CACNA1D: variants seen among roughly 807,000 people sequenced by gnomAD.
The protein encoded by CACNA1D is calcium voltage-gated channel subunit alpha1 D.
A neutral mutation model predicts 257.1 loss-of-function variants in CACNA1D; 55 were observed. The observed-to-expected ratio is 0.21, with a 90% CI of 0.17 to 0.27. CACNA1D has a LOEUF of 0.27. Among genes scored for constraint, CACNA1D ranks in the 10% least tolerant of loss-of-function variants. The pLI, the probability that CACNA1D is intolerant of heterozygous loss-of-function variation, is 1.00. For missense variants in CACNA1D, 1,876 were observed against 2,784.0 expected (o/e 0.67, Z 7.34); for synonymous variants, 980 against 1,014.9 (o/e 0.97, Z 0.65).
intron 3 of CACNA1D, among the ~76,000 whole-genome samples, chr3:53,522,430 T>C (rs2091615288): frequency 1.3e-5 from 2 of 148,594 alleles, no homozygotes; most frequent in African/African-American, 5.3e-5. Flanking sequence ...GAGACACTTC[T>C]TCTGCATAGT....
intron 17 of CACNA1D, among the ~76,000 whole-genome samples, chr3:53,731,381 C>T (rs2094990514): frequency 6.6e-6 from 1 of 152,214 alleles, no homozygotes; most frequent in South Asian, 2.1e-4. Context: ...AAAGAATTGA[C>T]TAGTTTGACC....
intron 40 of CACNA1D, among the ~76,000 whole-genome samples, chr3:53,792,828 T>G (rs1209508184): frequency 6.6e-6 from 1 of 152,198 alleles, no homozygotes; most frequent in Non-Finnish European, 1.5e-5. Flanking sequence ...CTAACCTACC[T>G]GGACTTCAGT....
chr3:53,800,696 G>A lies in CACNA1D; in HGVS notation c.5040+331G>A. ...TGCTACCCTCCTCCTTCCCGGGCCA[G>A]CTCTTTGATCTGCCAGCTGGCTGTC... is the stretch of plus-strand genomic sequence containing the variant. On this transcript the variant is annotated intron_variant, in intron 41 of 47. Coordinates refer to ENST00000350061, the MANE Select transcript of CACNA1D (RefSeq NM_001128840.3). This position sits in a 1 kb window ranked among gnomAD's most constrained non-coding sequence, Gnocchi z 4.3. 2.0e-6 allele frequency: 1 copy of A among 493,242 alleles called. No individual in the cohort carries two copies. Among genetic ancestry groups the A allele is most frequent in the Non-Finnish European group, 3.7e-6 (1 of 270,362 alleles). The allele number at this position is 493,242 out of a possible 1,614,324, so 30.6% of individuals were successfully genotyped here. A position where few individuals can be genotyped will look rare whatever the true frequency, so the allele number is the denominator to read the frequency against.
At chr3:53,691,813 T>TTACATATAATA (rs1202418205) in intron 8 of CACNA1D, among the ~76,000 whole-genome samples, 10 of 89,150 alleles carry the variant, frequency 1.1e-4, no homozygotes, top group Non-Finnish European at 2.0e-4. Flanking sequence ...ATAATATATA[T>TTACATATAATA]TATATATTAT....
At chr3:53,627,751 G>A (rs2093776560) in intron 3 of CACNA1D, among the ~76,000 whole-genome samples, 1 of 152,168 alleles carries the variant, frequency 6.6e-6, no homozygotes, top group Non-Finnish European at 1.5e-5. Context: ...GGTGACTCAT[G>A]TCTGTAATCC....
chr3:53,574,759 T>TAC (rs145515792), intron 3 of CACNA1D, among the ~76,000 whole-genome samples: 1 of 151,610 alleles, frequency 6.6e-6, no homozygotes, highest in Non-Finnish European at 1.5e-5. Flanking sequence ...ATGCACTAAT[T>TAC]ACACACACAC....
intron 3 of CACNA1D, among the ~76,000 whole-genome samples, chr3:53,528,274 T>C (rs1420119478): frequency 6.6e-6 from 1 of 152,220 alleles, no homozygotes; most frequent in Non-Finnish European, 1.5e-5. Flanking sequence ...CAGCAACATA[T>C]GTTGAAAATG....
At chr3:53,686,380 CA>C (rs1345337995) in intron 8 of CACNA1D, among the ~76,000 whole-genome samples, 5 of 151,798 alleles carry the variant, frequency 3.3e-5, no homozygotes, top group Non-Finnish European at 1.5e-5. Flanking sequence ...ATCTCAATAC[CA>C]AAACTTTACA....
At chr3:53,693,465 T>TA (rs2094546851) in intron 8 of CACNA1D, among the ~76,000 whole-genome samples, 1 of 147,562 alleles carries the variant, frequency 6.8e-6, no homozygotes, top group African/African-American at 2.6e-5. Flanking sequence ...GCTGTTATTT[T>TA]TTTTTTTTTT....
intron 9 of CACNA1D, among the ~76,000 whole-genome samples, chr3:53,715,083 C>A (rs2094804409): frequency 6.6e-6 from 1 of 151,958 alleles, no homozygotes. Flanking sequence ...GAAAAGGATC[C>A]TGTGATAGGG....
intron 11 of CACNA1D, 26 bp downstream of exon 11, chr3:53,719,807 G>T (rs555166022): frequency 6.2e-7 from 1 of 1,606,988 alleles, no homozygotes; most frequent in South Asian, 1.1e-5. Flanking sequence ...CTGTTTCTTC[G>T]TCAGCCTGTG....
chr3:53,708,194 A>G lies in CACNA1D; in HGVS notation c.1390+5384A>G, dbSNP rs146637852. Among the ~76,000 whole-genome samples, 541 of 152,340 alleles carry G rather than the reference A, an allele frequency of 3.6e-3. 2 individuals are homozygous for G. Among genetic ancestry groups the G allele is most frequent in the African/African-American group, 0.012 (503 of 41,582 alleles). ...CTGGTTGCAAGCATAAGGCATAGCAATTTGCTGGTCCTGTTTTGAAAGACT... is the reference window on the plus strand; with the variant it reads ...CTGGTTGCAAGCATAAGGCATAGCAGTTTGCTGGTCCTGTTTTGAAAGACT... On this transcript the variant is annotated intron_variant, in intron 9 of 47. Coordinates refer to ENST00000350061, the MANE Select transcript of CACNA1D (RefSeq NM_001128840.3).
chr3:53,528,927 G>T (rs2107427607), intron 3 of CACNA1D, among the ~76,000 whole-genome samples: 1 of 152,172 alleles, frequency 6.6e-6, no homozygotes, highest in Admixed American at 6.5e-5. Flanking sequence ...AATTTTCTAT[G>T]AACACAATTA....
chr3:53,808,628 T>C lies in CACNA1D; in HGVS notation c.5750-21T>C, dbSNP rs73843320. On this transcript the variant is annotated intron_variant, in intron 45 of 47. Coordinates refer to ENST00000350061, the MANE Select transcript of CACNA1D (RefSeq NM_001128840.3). ...GCAGAGAACTTGCTTCACAGCTGTGTGATGCCCTTTGCTTTCCCAGCCCAC... is the reference window on the plus strand; with the variant it reads ...GCAGAGAACTTGCTTCACAGCTGTGCGATGCCCTTTGCTTTCCCAGCCCAC... 3,492 of 1,605,220 alleles carry C rather than the reference T, an allele frequency of 2.2e-3. 47 individuals carry two copies. The African/African-American group carries it at 0.036, about 17-fold the overall frequency.
At chr3:53,733,083 T>A (rs2095015513) in intron 19 of CACNA1D, 121 bp downstream of exon 19, 1 of 947,314 alleles carries the variant, frequency 1.1e-6, no homozygotes, top group Non-Finnish European at 1.6e-6. Flanking sequence ...AACCTGAGTG[T>A]CCCTGGCGCC....
chr3:53,767,213 C>G (rs2095338050), intron 30 of CACNA1D, among the ~76,000 whole-genome samples: 1 of 152,148 alleles, frequency 6.6e-6, no homozygotes, highest in African/African-American at 2.4e-5. Flanking sequence ...TACCCTGGCC[C>G]AGGACTGGAG....
rs1340520485 is a variant in CACNA1D at position 53,521,000 on chromosome 3, C to CT, written c.483+19282dup. On this transcript the variant is annotated intron_variant, in intron 3 of 47. Transcript: ENST00000350061. ...CTCTTTCTTTTCCTTTTCTTTCTTT[C>CT]TTCTTTTTTTCTTTCTTTCCTTTTT... Among the ~76,000 whole-genome samples, 3 of 142,714 alleles carry CT rather than the reference C, an allele frequency of 2.1e-5. No homozygotes were observed. In the East Asian group the frequency reaches 6.1e-4, roughly 29 times the overall value. The allele number at this position is 142,714 out of a possible 152,430, so 93.6% of individuals were successfully genotyped here. A position where few individuals can be genotyped will look rare whatever the true frequency, so the allele number is the denominator to read the frequency against.
chr3:53,519,043 A>G (rs953061463), intron 3 of CACNA1D, among the ~76,000 whole-genome samples: 1 of 152,170 alleles, frequency 6.6e-6, no homozygotes, highest in Non-Finnish European at 1.5e-5. Context: ...GGAAAGTAAG[A>G]TATTTTACTC....
intron 29 of CACNA1D, among the ~76,000 whole-genome samples, chr3:53,755,016 T>C (rs2095254251): frequency 6.6e-6 from 1 of 152,252 alleles, no homozygotes; most frequent in African/African-American, 2.4e-5. Flanking sequence ...TGTTATTATC[T>C]ACTGTGACTT....
Sources: gnomAD v4.1 joint callset for allele counts (sites outside exome capture counted in the v4.1 genomes callset) on GRCh38, gnomAD v4.1.1 for gene constraint, Gnocchi (gnomAD v3.1) non-coding constraint, MANE v1.5 for transcripts, NCBI Gene and HGNC (gene_info 2026-07-23, HGNC 2026-07-21) for gene names.